The following PCDH9 variants were observed in gnomAD, a reference collection of about 807,000 sequenced individuals.
PCDH9 encodes the protein protocadherin 9, also known as protocadherin-9.
A neutral mutation model predicts 70.6 loss-of-function variants in PCDH9; 24 were observed. The ratio of observed to expected loss-of-function variants is 0.34; its 90% confidence interval spans 0.25 to 0.48. The LOEUF is 0.48. Among genes scored for constraint, PCDH9 ranks in the 20% least tolerant of loss-of-function variants. The probability of loss-of-function intolerance (pLI) is 0.99; values close to 1 mark genes in which losing one functional copy is unlikely to be tolerated. For missense variants in PCDH9, 1,281 were observed against 1,503.6 expected, an observed-to-expected ratio of 0.85 and a Z score of 2.45; for synonymous variants, 562 against 558.5, an observed-to-expected ratio of 1.01 and a Z score of -0.09.
chr13:66,408,796 T>C, intron 4 of PCDH9, among the ~76,000 whole-genome samples: 1 of 152,164 alleles, frequency 6.6e-6, no homozygotes, highest in East Asian at 1.9e-4. Context: ...TTAAGTTAAA[T>C]GGCATTAGGT....
chr13:66,513,194 G>T (rs1471178606), intron 4 of PCDH9, among the ~76,000 whole-genome samples: 29 of 136,596 alleles, frequency 2.1e-4, no homozygotes, highest in East Asian at 2.1e-4. Context: ...AATAACACGT[G>T]TTTTTTTTTT....
intron 3 of PCDH9, among the ~76,000 whole-genome samples, chr13:66,759,369 T>G (rs1157594309): frequency 6.6e-6 from 1 of 152,248 alleles, no homozygotes; most frequent in South Asian, 2.1e-4. Flanking sequence ...TTTCAGTGTG[T>G]GTACCCTCAC....
intron 3 of PCDH9, among the ~76,000 whole-genome samples, chr13:66,676,608 C>G (rs1776727814): frequency 6.6e-6 from 1 of 152,026 alleles, no homozygotes; most frequent in African/African-American, 2.4e-5. Flanking sequence ...CGCCTGTTAC[C>G]CCCAAAACAG....
chr13:67,195,413 G>C (rs2089035915), intron 2 of PCDH9, among the ~76,000 whole-genome samples: 1 of 152,116 alleles, frequency 6.6e-6, no homozygotes, highest in Non-Finnish European at 1.5e-5. Flanking sequence ...AAAGTGCTGG[G>C]ATTACAGGCG....
chr13:66,753,993 T>C (rs1240265784), intron 3 of PCDH9, among the ~76,000 whole-genome samples: 1 of 152,260 alleles, frequency 6.6e-6, no homozygotes, highest in African/African-American at 2.4e-5. Context: ...ATTCATTTTC[T>C]TCTAATTTCT....
chr13:66,912,970 G>C (rs1012094991), intron 2 of PCDH9, among the ~76,000 whole-genome samples: 1 of 151,988 alleles, frequency 6.6e-6, no homozygotes, highest in East Asian at 1.9e-4. Context: ...AACCTTCAAC[G>C]TAATGTTAGC....
intron 4 of PCDH9, among the ~76,000 whole-genome samples, chr13:66,571,583 G>C (rs549785662): frequency 6.6e-6 from 1 of 151,856 alleles, no homozygotes; most frequent in Admixed American, 6.6e-5. Context: ...CATATCAGTT[G>C]TACTCCAGGC....
chr13:66,679,322 A>G (rs982291517), intron 3 of PCDH9, among the ~76,000 whole-genome samples: 19 of 151,820 alleles, frequency 1.3e-4, no homozygotes, highest in Non-Finnish European at 2.5e-4. Flanking sequence ...ACATTATTAT[A>G]ATATGATATT....
chr13:66,668,217 G>A (rs998208737), intron 3 of PCDH9, among the ~76,000 whole-genome samples: 1 of 152,162 alleles, frequency 6.6e-6, no homozygotes, highest in African/African-American at 2.4e-5. Flanking sequence ...GTTTGAAAAG[G>A]TGAGTGACAA....
chr13:67,051,378 CAAG>C (rs540623787), intron 2 of PCDH9, among the ~76,000 whole-genome samples: 31 of 114,520 alleles, frequency 2.7e-4, no homozygotes, highest in South Asian at 5.9e-4. Context: ...GAAAACAATA[CAAG>C]ATTTTTTTTT....
intron 2 of PCDH9, among the ~76,000 whole-genome samples, chr13:67,023,813 T>A (rs190234250): frequency 2.0e-5 from 3 of 152,104 alleles, no homozygotes; most frequent in African/African-American, 7.2e-5. Flanking sequence ...ACAAAGTAAG[T>A]TGAACTGAAA....
At position 67,227,526 on chromosome 13, in the gene PCDH9, T is replaced by C; in HGVS notation, c.915A>G (p.Leu305=). The change falls in exon 2 of 5, where the codon TTA becomes TTG. Residue 305 remains leucine, a synonymous_variant. Transcript: ENST00000377865. The surrounding 1 kb of genome is among the most constrained non-coding windows in gnomAD (Gnocchi z 4.6). The stretch of plus-strand genomic sequence containing the variant: ...CTGTAATCAGCCCAGTAGTATTATT[T>C]AAAGCAAAGAGTCTTTTGGTTGCAG... ...VAPATKRLFA[L]NNTTGLITVQ... is the part of the protein sequence containing the mutation. 1 of 1,613,912 alleles carries C rather than the reference T, an allele frequency of 6.2e-7. No individual in the cohort carries two copies. The highest frequency in any genetic ancestry group is 8.5e-7 in the Non-Finnish European group (1 of 1,179,812).
chr13:66,354,165 A>AC (rs1419121001), intron 4 of PCDH9, among the ~76,000 whole-genome samples: 1 of 151,842 alleles, frequency 6.6e-6, no homozygotes, highest in Non-Finnish European at 1.5e-5. Flanking sequence ...TTTTAACTTT[A>AC]CCCAAAGAGG....
chr13:66,957,203 C>T (rs757316765), intron 2 of PCDH9, among the ~76,000 whole-genome samples: 15 of 152,146 alleles, frequency 9.9e-5, no homozygotes, highest in Non-Finnish European at 2.2e-4. Flanking sequence ...TGAGACTTCC[C>T]GAAACTAAAA....
intron 4 of PCDH9, among the ~76,000 whole-genome samples, chr13:66,591,862 T>A (rs149254711): frequency 6.6e-6 from 1 of 151,658 alleles, no homozygotes; most frequent in Non-Finnish European, 1.5e-5. Context: ...GAATATTAAA[T>A]TATCTGCATA....
chr13:66,925,435 T>C (rs1374689124), intron 2 of PCDH9, among the ~76,000 whole-genome samples: 2 of 151,884 alleles, frequency 1.3e-5, no homozygotes, highest in Non-Finnish European at 2.9e-5. Context: ...TGTAGTTCTA[T>C]GGGGAGAAGC....
intron 4 of PCDH9, among the ~76,000 whole-genome samples, chr13:66,595,389 G>A (rs927499985): frequency 6.6e-6 from 1 of 151,624 alleles, no homozygotes; most frequent in South Asian, 2.1e-4. Flanking sequence ...GTGACAAATG[G>A]TCCTGTCAAG....
intron 2 of PCDH9, among the ~76,000 whole-genome samples, chr13:67,078,428 A>T (rs1294343734): frequency 6.6e-6 from 1 of 152,114 alleles, no homozygotes; most frequent in Non-Finnish European, 1.5e-5. Flanking sequence ...AATGCCTTGT[A>T]GGTCTTTTAC....
chr13:66,454,617 G>C (rs1958280939), intron 4 of PCDH9, among the ~76,000 whole-genome samples: 2 of 152,142 alleles, frequency 1.3e-5, no homozygotes, highest in African/African-American at 4.8e-5. Context: ...AATGGAAGGA[G>C]GCTCAGACTA....
Sources: allele counts gnomAD v4.1 joint callset (sites outside exome capture counted in the v4.1 genomes callset), GRCh38; gene constraint gnomAD v4.1.1; non-coding constraint Gnocchi (gnomAD v3.1); transcripts MANE v1.5; gene names NCBI Gene and HGNC (gene_info 2026-07-23, HGNC 2026-07-21).